STIM2: variants seen among roughly 807,000 people sequenced by gnomAD.
STIM2 encodes the protein stromal interaction molecule 2.
Under a neutral mutation model 85.8 loss-of-function variants are expected in STIM2, and 31 were observed. The ratio of observed to expected loss-of-function variants is 0.36; its 90% CI spans 0.27 to 0.49. STIM2 has a LOEUF of 0.49. Ranked by LOEUF, STIM2 falls within the 20% of genes least tolerant of loss-of-function variation. STIM2 has a pLI of 0.98. For missense variants in STIM2, 841 were observed against 927.6 expected (o/e 0.91, Z 1.21); for synonymous variants, 356 against 331.1 (o/e 1.08, Z -0.82).
chr4:26,911,517 T>G (rs1414081147), intron 1 of STIM2, among the ~76,000 whole-genome samples: 1 of 152,194 alleles, frequency 6.6e-6, no homozygotes, highest in Non-Finnish European at 1.5e-5. Flanking sequence ...TAAGCCATAA[T>G]TAGAGAACAT....
chr4:26,872,196 G>A (rs1722645087), intron 1 of STIM2, among the ~76,000 whole-genome samples: 1 of 152,124 alleles, frequency 6.6e-6, no homozygotes, highest in African/African-American at 2.4e-5. Flanking sequence ...CATAGTTTGA[G>A]GCAGTTAGTT....
rs1205845580 is a variant in STIM2, at chr4:26,995,466, A to G, written c.485A>G (p.Asn162Ser). ...TATGAGAAGAATTTTAGAGACAACAATGTCAAAGGAACGACACTTCCCAGG... is the reference window on the plus strand; with the variant it reads ...TATGAGAAGAATTTTAGAGACAACAGTGTCAAAGGAACGACACTTCCCAGG... The change falls in exon 4 of 12, where the codon AAT (asparagine) becomes AGT (serine). Residue 162 changes from asparagine to serine, a missense_variant. By Grantham distance (46) the Asn-to-Ser change is conservative. Around this residue, in one of 3 missense-constraint regions of STIM2, gnomAD observed 408 missense variants for 525.4 expected, o/e 0.78. Coordinates refer to ENST00000467087, the MANE Select transcript of STIM2 (RefSeq NM_020860.4). 5.0e-6 allele frequency: 8 copies of G among 1,600,948 alleles called. No individual in the cohort carries two copies. In the East Asian group the frequency reaches 9.1e-5, roughly 18 times the overall value.
intron 2 of STIM2, among the ~76,000 whole-genome samples, chr4:26,929,087 T>C (rs1251109305): frequency 6.6e-6 from 1 of 152,158 alleles, no homozygotes; most frequent in African/African-American, 2.4e-5. Flanking sequence ...TTTGAAGGCT[T>C]ATATGAGAAG....
Position 27,004,390 on chromosome 4 carries a change from G to A in STIM2, c.981+1286G>A, listed in dbSNP as rs138275508. 2.0e-3 allele frequency among the ~76,000 whole-genome samples: 304 copies of A among 152,124 alleles called. 1 individual carries two copies. The highest frequency in any genetic ancestry group is 0.011 in the South Asian group (53 of 4,802). On this transcript the variant is annotated intron_variant, in intron 7 of 11. Transcript: ENST00000467087. Reference sequence around the variant, plus strand: ...AAAAAAGGCCTAGTCGAAATCATACGGTATCCGAGAAGTGGGTACTATGCC... The same window carrying A: ...AAAAAAGGCCTAGTCGAAATCATACAGTATCCGAGAAGTGGGTACTATGCC...
intron 1 of STIM2, chr4:26,861,692 C>G: frequency 5.3e-6 from 1 of 187,930 alleles, no homozygotes; most frequent in Non-Finnish European, 1.0e-5. Context: ...GGGGACTGGG[C>G]TGATTTTTTT....
intron 1 of STIM2, among the ~76,000 whole-genome samples, chr4:26,878,297 C>G: frequency 6.6e-6 from 1 of 152,158 alleles, no homozygotes; most frequent in South Asian, 2.1e-4. Context: ...TCCCCCTAAT[C>G]TTTCCCCTCC....
At chr4:26,884,158 G>A (rs958987414) in intron 1 of STIM2, among the ~76,000 whole-genome samples, 48 of 152,300 alleles carry the variant, frequency 3.2e-4, no homozygotes, top group Non-Finnish European at 4.4e-5. Context: ...TCTGTATAAC[G>A]AACCAGTTCC....
Position 27,009,699 on chromosome 4 carries a change from A to G in STIM2, c.1489+697A>G, listed in dbSNP as rs193139713. ...AGCAAAACTAGAAGTGTGTGACTGC[A>G]TTCATTTCACTTGCTCCACACTGCA... On this transcript the variant is annotated intron_variant, in intron 10 of 11. Transcript: ENST00000467087. 5.2e-4 allele frequency among the ~76,000 whole-genome samples: 79 copies of G among 152,340 alleles called. No individual in the cohort carries two copies. The East Asian group carries it at 0.011, about 20-fold the overall frequency.
At chr4:26,970,942 G>T (rs1457796117) in intron 3 of STIM2, among the ~76,000 whole-genome samples, 1 of 152,164 alleles carries the variant, frequency 6.6e-6, no homozygotes, top group African/African-American at 2.4e-5. Context: ...GTTCTGATTG[G>T]CATGAGATGG....
intron 1 of STIM2, among the ~76,000 whole-genome samples, chr4:26,869,650 T>C (rs187193927): frequency 2.1e-3 from 325 of 152,092 alleles, no homozygotes; most frequent in Non-Finnish European, 3.1e-3. Flanking sequence ...CGCCTTAGCC[T>C]CCCAGGCTGT....
intron 1 of STIM2, among the ~76,000 whole-genome samples, chr4:26,883,441 G>T (rs1439027981): frequency 1.3e-5 from 2 of 152,124 alleles, no homozygotes; most frequent in African/African-American, 4.8e-5. Context: ...ATATAATTTG[G>T]TGTTCAGTGA....
At chr4:26,932,770 C>T (rs542575088) in intron 2 of STIM2, among the ~76,000 whole-genome samples, 2 of 152,236 alleles carry the variant, frequency 1.3e-5, no homozygotes, top group African/African-American at 2.4e-5. Flanking sequence ...TACTTGTCAA[C>T]AACAGAAAAA....
At chr4:26,909,394 A>G (rs1326026497) in intron 1 of STIM2, among the ~76,000 whole-genome samples, 1 of 152,252 alleles carries the variant, frequency 6.6e-6, no homozygotes, top group Non-Finnish European at 1.5e-5. Flanking sequence ...TCCCGAAGTT[A>G]TATAGTAAGT....
Position 26,873,619 on chromosome 4 carries a change from T to G in STIM2, c.151+12250T>G, listed in dbSNP as rs766503497. ...TTTTGGTGATCAGACAGGGCTTGTT[T>G]CCTGCAGGGCACTTCCTTAGTCATA... On this transcript the variant is annotated intron_variant, in intron 1 of 11. Transcript: ENST00000467087. The G allele has an allele frequency of 1.8e-4, 99 of 542,588 alleles. 1 individual carries two copies. The highest frequency in any genetic ancestry group is 6.6e-4 in the Middle Eastern group (2 of 3,036). 33.6% of individuals were successfully genotyped at this position (542,588 alleles called of 1,614,324 possible). A position where few individuals can be genotyped will look rare whatever the true frequency, so the allele number is the denominator to read the frequency against.
chr4:27,020,724 A>G (rs1004830444), intron 11 of STIM2, among the ~76,000 whole-genome samples: 1 of 152,266 alleles, frequency 6.6e-6, no homozygotes, highest in Non-Finnish European at 1.5e-5. Context: ...GATATTAATC[A>G]TAGGCCATCT....
At chr4:27,003,220 A>G in intron 7 of STIM2, 116 bp downstream of exon 7, 1 of 946,392 alleles carries the variant, frequency 1.1e-6, no homozygotes, top group Non-Finnish European at 1.5e-6. Flanking sequence ...TCCTCAGTTG[A>G]TAAAAGACTC....
intron 1 of STIM2, among the ~76,000 whole-genome samples, chr4:26,875,894 G>A (rs1722799355): frequency 6.6e-6 from 1 of 152,184 alleles, no homozygotes; most frequent in Admixed American, 6.5e-5. Context: ...TTCTGAATTA[G>A]TAATTCAGAA....
At chr4:26,921,825 T>C (rs1442601314) in intron 2 of STIM2, among the ~76,000 whole-genome samples, 2 of 152,234 alleles carry the variant, frequency 1.3e-5, no homozygotes, top group Admixed American at 1.3e-4. Flanking sequence ...AATTGCTTAT[T>C]AGGTCAGATA....
chr4:26,941,639 A>G (rs1229372179), intron 2 of STIM2, among the ~76,000 whole-genome samples: 1 of 151,654 alleles, frequency 6.6e-6, no homozygotes, highest in Non-Finnish European at 1.5e-5. Flanking sequence ...CCCTTAAAAA[A>G]GGACATTTAA....
Sources: allele counts gnomAD v4.1 joint callset (sites outside exome capture counted in the v4.1 genomes callset), GRCh38; gene constraint gnomAD v4.1.1; regional missense constraint gnomAD v4.1.1; transcripts MANE v1.5; gene names NCBI Gene and HGNC (gene_info 2026-07-23, HGNC 2026-07-21).